SORCS2: variants seen among roughly 807,000 people sequenced by gnomAD.
The protein encoded by SORCS2 is VPS10 domain-containing receptor SorCS2.
Under a neutral mutation model 141.6 loss-of-function variants are expected in SORCS2, and 100 were observed. The ratio of observed to expected loss-of-function variants is 0.71; its 90% CI spans 0.60 to 0.83. SORCS2 has a LOEUF of 0.83. SORCS2 is among the 40% of genes least tolerant of loss of function. The pLI, the probability that SORCS2 is intolerant of heterozygous loss-of-function variation, is 0.00. For synonymous variants in SORCS2, 789 were observed against 676.9 expected, an observed-to-expected ratio of 1.17 and a Z score of -2.57; for missense variants, 1,646 against 1,560.2, an observed-to-expected ratio of 1.05 and a Z score of -0.93.
At chr4:7,661,591 GGTATCCCTGA>G (rs1560464625) in intron 6 of SORCS2, 27 bp downstream of exon 6, 2 of 1,550,214 alleles carry the variant, frequency 1.3e-6, no homozygotes, top group Non-Finnish European at 1.7e-6. Flanking sequence ...ACAGGCACCG[GGTATCCCTGA>G]GTCACCTCGC....
At chr4:7,394,706 T>G (rs998366805) in intron 1 of SORCS2, among the ~76,000 whole-genome samples, 1 of 150,920 alleles carries the variant, frequency 6.6e-6, no homozygotes, top group Admixed American at 6.6e-5. Flanking sequence ...CAGGCAGGAG[T>G]GACGGGGATG....
At chr4:7,382,738 C>T (rs1723064261) in intron 1 of SORCS2, among the ~76,000 whole-genome samples, 1 of 151,030 alleles carries the variant, frequency 6.6e-6, no homozygotes, top group Admixed American at 6.6e-5. Flanking sequence ...GGATGGTCTG[C>T]AGGTCTGGGG....
At chr4:7,230,425 G>A (rs180998480) in intron 1 of SORCS2, among the ~76,000 whole-genome samples, 3 of 128,802 alleles carry the variant, frequency 2.3e-5, no homozygotes, top group Middle Eastern at 4.5e-3. Flanking sequence ...CTGAAGCAGT[G>A]TCATTTGCTC....
chr4:7,726,573 CAAAAT>C (rs879577263), intron 20 of SORCS2, among the ~76,000 whole-genome samples: 143 of 152,168 alleles, frequency 9.4e-4, no homozygotes, highest in African/African-American at 2.3e-3. Context: ...GACTCTGTCT[CAAAAT>C]AAAATAAAAT....
At chr4:7,291,373 G>A (rs1039349858) in intron 1 of SORCS2, among the ~76,000 whole-genome samples, 15 of 152,270 alleles carry the variant, frequency 9.9e-5, no homozygotes, top group African/African-American at 3.6e-4. Flanking sequence ...CTGGCCCATG[G>A]GAGGCCTCTG....
In SORCS2 at chr4:7,600,550, G is replaced by T. The variant is rs574474896; in HGVS notation, c.649-37778G>T. ...GCTGGCAGGGGAGGCAGAGGCCTGG[G>T]TTGCACCTGTGCTCCTCTGGGGAAA... On this transcript the variant is annotated intron_variant, in intron 3 of 26. Coordinates refer to ENST00000507866, the MANE Select transcript of SORCS2 (RefSeq NM_020777.3). Among the ~76,000 whole-genome samples, 191 of 152,236 alleles carry T rather than the reference G, an allele frequency of 1.3e-3. 2 individuals carry two copies. Among genetic ancestry groups the T allele is most frequent in the African/African-American group, 3.5e-3 (146 of 41,540 alleles).
At chr4:7,415,132 C>T (rs543699590) in intron 2 of SORCS2, among the ~76,000 whole-genome samples, 45 of 152,192 alleles carry the variant, frequency 3.0e-4, no homozygotes, top group South Asian at 4.1e-4. Context: ...TTTTGGGGCA[C>T]GCCTTGGTAA....
At chr4:7,390,441 C>T (rs900825072) in intron 1 of SORCS2, among the ~76,000 whole-genome samples, 1 of 152,204 alleles carries the variant, frequency 6.6e-6, no homozygotes, top group South Asian at 2.1e-4. Context: ...AGAGGCGATG[C>T]CGAGTGCTCC....
At chr4:7,225,697 C>T (rs1032416772) in intron 1 of SORCS2, among the ~76,000 whole-genome samples, 7 of 152,144 alleles carry the variant, frequency 4.6e-5, no homozygotes, top group African/African-American at 1.4e-4. Context: ...TCTCTATCCG[C>T]ACCCTGTGAG....
At chr4:7,304,903 G>T (rs3846430) in intron 1 of SORCS2, among the ~76,000 whole-genome samples, 151,663 of 152,372 alleles carry the variant, frequency 1, 75,487 homozygotes, top group Middle Eastern at 1. Flanking sequence ...GGTTGTCCTG[G>T]GGGCAACGCC....
At chr4:7,272,732 C>T (rs560804121) in intron 1 of SORCS2, among the ~76,000 whole-genome samples, 5 of 152,350 alleles carry the variant, frequency 3.3e-5, no homozygotes, top group Admixed American at 1.3e-4. Flanking sequence ...CAATACCATC[C>T]GCGGCATTGC....
chr4:7,539,152 C>T (rs1217382230), intron 3 of SORCS2, among the ~76,000 whole-genome samples: 1 of 152,188 alleles, frequency 6.6e-6, no homozygotes, highest in Non-Finnish European at 1.5e-5. Flanking sequence ...TCACCACCCC[C>T]CAAAGCCTTC....
intron 14 of SORCS2, among the ~76,000 whole-genome samples, chr4:7,710,708 C>A (rs1416127366): frequency 3.3e-5 from 5 of 152,178 alleles, no homozygotes. Context: ...CAAGACCACT[C>A]ACAGCCGGGG....
At chr4:7,547,520 GA>G (rs1283870123) in intron 3 of SORCS2, among the ~76,000 whole-genome samples, 1 of 152,248 alleles carries the variant, frequency 6.6e-6, no homozygotes, top group Non-Finnish European at 1.5e-5. Flanking sequence ...CCAGCCATCA[GA>G]GGTGGGTCCT....
chr4:7,497,405 A>T (rs1483963306), intron 2 of SORCS2, among the ~76,000 whole-genome samples: 1 of 152,052 alleles, frequency 6.6e-6, no homozygotes, highest in Non-Finnish European at 1.5e-5. Context: ...TCTAAATCCA[A>T]GTCCCCTCCC....
intron 3 of SORCS2, among the ~76,000 whole-genome samples, chr4:7,543,611 T>TCCATCCAC (rs1461722405): frequency 7.8e-6 from 1 of 127,420 alleles, no homozygotes; most frequent in Non-Finnish European, 1.7e-5. Flanking sequence ...CATCCATCCG[T>TCCATCCAC]CCATCCACCC....
chr4:7,473,353 C>G (rs150374705), intron 2 of SORCS2, among the ~76,000 whole-genome samples: 20 of 152,258 alleles, frequency 1.3e-4, no homozygotes, highest in African/African-American at 2.4e-4. Flanking sequence ...AATTGGGTGC[C>G]TACAGGGACC....
intron 12 of SORCS2, among the ~76,000 whole-genome samples, chr4:7,699,927 G>A (rs755035950): frequency 5.3e-5 from 8 of 152,114 alleles, no homozygotes; most frequent in Non-Finnish European, 1.2e-4. Context: ...CCTCTTGTCC[G>A]TCTCTCCCAG....
intron 3 of SORCS2, among the ~76,000 whole-genome samples, chr4:7,550,032 G>T (rs535230198): frequency 1.3e-5 from 2 of 151,862 alleles, no homozygotes; most frequent in African/African-American, 4.8e-5. Flanking sequence ...GAACAGAGCA[G>T]GGCCGGGGAG....
Sources: allele counts gnomAD v4.1 joint callset (sites outside exome capture counted in the v4.1 genomes callset), GRCh38; gene constraint gnomAD v4.1.1; transcripts MANE v1.5; gene names NCBI Gene and HGNC (gene_info 2026-07-23, HGNC 2026-07-21).